GALNT16: variants seen among roughly 807,000 people sequenced by gnomAD.
GALNT16 encodes the protein UDP-GalNAc:polypeptide N-acetylgalactosaminyltransferase-like protein 1.
A neutral mutation model predicts 76.1 loss-of-function variants in GALNT16; 40 were observed. That is an observed-to-expected ratio of 0.53 (90% confidence interval 0.41 to 0.68). The LOEUF is 0.68. Among genes scored for constraint, GALNT16 ranks in the 30% least tolerant of loss-of-function variants. The probability of loss-of-function intolerance (pLI) is 0.00; values close to 1 mark genes in which losing one functional copy is unlikely to be tolerated. For missense variants in GALNT16, 621 were observed against 731.9 expected (o/e 0.85, Z 1.75); for synonymous variants, 276 against 285.2 (o/e 0.97, Z 0.32).
intron 1 of GALNT16, among the ~76,000 whole-genome samples, chr14:69,298,076 A>C (rs2140136927): frequency 6.6e-6 from 1 of 152,352 alleles, no homozygotes; most frequent in South Asian, 2.1e-4. Flanking sequence ...TGCAACTTCA[A>C]AATCTCTAGT....
chr14:69,320,326 C>G (rs11621833), intron 1 of GALNT16, among the ~76,000 whole-genome samples: 6,553 of 152,212 alleles, frequency 0.043, 196 homozygotes, highest in Non-Finnish European at 0.064. Flanking sequence ...GAAACTCCAC[C>G]TCTACCAAAA....
intron 1 of GALNT16, among the ~76,000 whole-genome samples, chr14:69,283,618 T>G (rs1052601009): frequency 1.3e-5 from 2 of 152,184 alleles, no homozygotes; most frequent in African/African-American, 4.8e-5. Context: ...AATCTAACTG[T>G]CTGGGTTCAA....
intron 1 of GALNT16, among the ~76,000 whole-genome samples, chr14:69,277,737 C>G (rs1320681704): frequency 1.3e-5 from 2 of 152,132 alleles, no homozygotes; most frequent in Admixed American, 1.3e-4. Context: ...GGGTATATAC[C>G]CAGTAATGGG....
At chr14:69,359,068 T>A (rs1425465519), downstream of GALNT16, 4 of 152,456 alleles carry the variant, frequency 2.6e-5, no homozygotes, top group East Asian at 7.7e-4. Context: ...CCTCTCCAGC[T>A]TGCTTCTTCA....
At chr14:69,286,786 A>G (rs2044618893) in intron 1 of GALNT16, among the ~76,000 whole-genome samples, 1 of 152,246 alleles carries the variant, frequency 6.6e-6, no homozygotes, top group African/African-American at 2.4e-5. Context: ...AAGCAAATAT[A>G]GCAAAATGTT....
At chr14:69,304,580 C>G (rs56184291) in intron 1 of GALNT16, among the ~76,000 whole-genome samples, 17,396 of 152,182 alleles carry the variant, frequency 0.11, 1,195 homozygotes, top group East Asian at 0.33. Context: ...TTGGCTGAAA[C>G]TTCACACCTG....
the GALNT16 span, chr14:69,380,437 A>C: frequency 1.5e-6 from 1 of 658,144 alleles, no homozygotes; most frequent in Non-Finnish European, 2.8e-6. Flanking sequence ...GAGTATAACA[A>C]AGTGGAAACA....
Position 69,325,983 on chromosome 14 carries a change from C to T in GALNT16, c.524C>T (p.Thr175Ile), listed in dbSNP as rs192820115. Residue 175 changes from threonine to isoleucine, a missense_variant, in exon 5 of 15, where the codon ACC (threonine) becomes ATC (isoleucine). Thr to Ile is a moderately conservative substitution (Grantham distance 89). Coordinates refer to ENST00000448469, the MANE Select transcript of GALNT16 (RefSeq NM_001168368.2). ...TCAGCGGAAGACTGTCTACTCCTGACCAGGATCCCCAAGGTCAAGTGCCTG... is the reference window on the plus strand; with the variant it reads ...TCAGCGGAAGACTGTCTACTCCTGATCAGGATCCCCAAGGTCAAGTGCCTG... ...SSDPEDCLLL[T>I]RIPKVKCLRN... The T allele has an allele frequency of 3.5e-5, 56 of 1,614,018 alleles. No homozygotes were observed. In the Admixed American group the frequency reaches 5.5e-4, roughly 16 times the overall value.
At chr14:69,321,257 C>G (rs926378724) in intron 2 of GALNT16, among the ~76,000 whole-genome samples, 3 of 152,336 alleles carry the variant, frequency 2.0e-5, no homozygotes, top group Admixed American at 6.5e-5. Context: ...TGGCCCACCC[C>G]ATTGACCTCC....
chr14:69,274,739 G>A (rs892050551), intron 1 of GALNT16, among the ~76,000 whole-genome samples: 13 of 152,168 alleles, frequency 8.5e-5, no homozygotes, highest in African/African-American at 2.7e-4. Flanking sequence ...AGACTGCTGC[G>A]GCTGCTGGTT....
At chr14:69,349,506 C>G (rs1453726530) in intron 14 of GALNT16, 1 of 152,246 alleles carries the variant, frequency 6.6e-6, no homozygotes, top group African/African-American at 2.4e-5. Flanking sequence ...AGCCAGCTAT[C>G]CCACTGCCAA....
chr14:69,367,703 A>G, the GALNT16 span, among the ~76,000 whole-genome samples: 7 of 141,520 alleles, frequency 4.9e-5, no homozygotes, highest in Non-Finnish European at 1.1e-4. Flanking sequence ...AAGGCCAGGC[A>G]TGGCAGCTCA....
At chr14:69,267,268 C>T (rs2331957) in intron 1 of GALNT16, among the ~76,000 whole-genome samples, 113,488 of 152,166 alleles carry the variant, frequency 0.75, 44,010 homozygotes, top group East Asian at 1. Flanking sequence ...CAGGGAACTT[C>T]TGTGAACATT....
the GALNT16 span, among the ~76,000 whole-genome samples, chr14:69,374,114 CCAT>C: frequency 1.3e-4 from 20 of 152,300 alleles, no homozygotes; most frequent in African/African-American, 4.8e-4. Flanking sequence ...TCCCCTCAGA[CCAT>C]CATCTAGCTT....
chr14:69,271,567 C>A lies in GALNT16; in HGVS notation c.177+11100C>A, dbSNP rs80098507. Among the ~76,000 whole-genome samples the A allele has an allele frequency of 7.2e-4, 110 of 152,326 alleles. No homozygotes were observed. The South Asian group carries it at 0.011, about 15-fold the overall frequency. On this transcript the variant is annotated intron_variant, in intron 1 of 14. Transcript: ENST00000448469. ...CATCACAGGGTCCAGACTGTGCTCA[C>A]CAGTGCAGTGGTTGCCGGCCACAGG... is the stretch of plus-strand genomic sequence containing the variant.
chr14:69,284,781 T>A (rs1411465308), intron 1 of GALNT16, among the ~76,000 whole-genome samples: 1 of 152,100 alleles, frequency 6.6e-6, no homozygotes, highest in Non-Finnish European at 1.5e-5. Context: ...GGGAGGGACC[T>A]GGTGGGAGGT....
chr14:69,292,407 C>G (rs1054800774), intron 1 of GALNT16, among the ~76,000 whole-genome samples: 4 of 152,210 alleles, frequency 2.6e-5, no homozygotes, highest in African/African-American at 9.6e-5. Flanking sequence ...GGCCCTGCTC[C>G]TCCTAGGAGA....
At chr14:69,316,780 G>GCA (rs1555399673) in intron 1 of GALNT16, among the ~76,000 whole-genome samples, 1 of 126,826 alleles carries the variant, frequency 7.9e-6, no homozygotes, top group East Asian at 2.8e-4. Context: ...TCTGTGAGGG[G>GCA]GGGGGGCACT....
chr14:69,305,161 A>T (rs1376824667), intron 1 of GALNT16, among the ~76,000 whole-genome samples: 3 of 145,216 alleles, frequency 2.1e-5, no homozygotes, highest in Non-Finnish European at 1.5e-5. Context: ...TAACCATCCG[A>T]CAAGTATCTT....
Sources: allele counts gnomAD v4.1 joint callset (sites outside exome capture counted in the v4.1 genomes callset), GRCh38; gene constraint gnomAD v4.1.1; transcripts MANE v1.5; gene names NCBI Gene and HGNC (gene_info 2026-07-23, HGNC 2026-07-21).